The following MGAT5 variants were observed in gnomAD, a reference collection of about 807,000 sequenced individuals.
MGAT5 encodes alpha-1,6-mannosylglycoprotein 6-beta-N-acetylglucosaminyltransferase, also known as alpha-1,6-mannosylglycoprotein 6-beta-N-acetylglucosaminyltransferase A.
A neutral mutation model predicts 94.3 loss-of-function variants in MGAT5; 30 were observed. The ratio of observed to expected loss-of-function variants is 0.32; its 90% CI spans 0.24 to 0.43. The LOEUF (loss-of-function observed/expected upper bound fraction) is 0.43. Among genes scored for constraint, MGAT5 ranks in the 20% least tolerant of loss-of-function variants. The pLI, the probability that MGAT5 is intolerant of heterozygous loss-of-function variation, is 1.00. For missense variants in MGAT5, 691 were observed against 905.5 expected (o/e 0.76, Z 3.04); for synonymous variants, 310 against 322.9 (o/e 0.96, Z 0.43).
At chr2:134,208,985 C>T (rs1573867874) in intron 1 of MGAT5, among the ~76,000 whole-genome samples, 1 of 152,156 alleles carries the variant, frequency 6.6e-6, no homozygotes, top group African/African-American at 2.4e-5. Context: ...TCCTGGTGTT[C>T]TGTTACATCA....
intron 1 of MGAT5, among the ~76,000 whole-genome samples, chr2:134,133,088 T>C (rs954541556): frequency 9.9e-5 from 15 of 152,244 alleles, no homozygotes; most frequent in Middle Eastern, 3.2e-3. Context: ...TTTTTGGTGA[T>C]ATAATGGAGT....
At chr2:134,120,273 G>T in exon 1 of MGAT5, 1 of 389,044 alleles carries the variant, frequency 2.6e-6, no homozygotes, top group Non-Finnish European at 4.5e-6. Context: ...CCCGGCTGCT[G>T]CTGCTGCCCA....
At chr2:134,307,149 A>C (rs1016986677) in intron 2 of MGAT5, among the ~76,000 whole-genome samples, 3 of 152,158 alleles carry the variant, frequency 2.0e-5, no homozygotes, top group African/African-American at 4.8e-5. Flanking sequence ...AATTTAATGA[A>C]AATGGATGTT....
At chr2:134,151,869 C>T (rs540832396) in intron 1 of MGAT5, among the ~76,000 whole-genome samples, 1 of 142,552 alleles carries the variant, frequency 7.0e-6, no homozygotes, top group Non-Finnish European at 1.5e-5. Context: ...GCCATGGGAC[C>T]TCACTCACGC....
At chr2:134,336,165 A>T in intron 4 of MGAT5, 52 bp from the exon 5 acceptor site, 1 of 1,449,522 alleles carries the variant, frequency 6.9e-7, no homozygotes, top group African/African-American at 1.4e-5. Context: ...TTTTATGTAT[A>T]TTAATTCATT....
chr2:134,151,508 T>C (rs1472282185), intron 1 of MGAT5, among the ~76,000 whole-genome samples: 3 of 134,180 alleles, frequency 2.2e-5, no homozygotes, highest in Admixed American at 7.5e-5. Flanking sequence ...TCATGCCCTG[T>C]GGGACCCACT....
chr2:134,193,132 T>A (rs56270250), intron 1 of MGAT5, among the ~76,000 whole-genome samples: 16,677 of 134,454 alleles, frequency 0.12, 963 homozygotes, highest in East Asian at 0.17. Flanking sequence ...TTTATTTTTT[T>A]TTTTTTTTGA....
At chr2:134,351,360 A>G (rs1360319799) in intron 9 of MGAT5, among the ~76,000 whole-genome samples, 3 of 152,176 alleles carry the variant, frequency 2.0e-5, no homozygotes, top group Admixed American at 6.5e-5. Context: ...GAAGTGACCT[A>G]TGTGTTAAAC....
At chr2:134,412,733 G>C in intron 11 of MGAT5, 136 bp from the exon 12 acceptor site, 1 of 1,086,886 alleles carries the variant, frequency 9.2e-7, no homozygotes, top group Non-Finnish European at 1.3e-6. Context: ...CACCCCCCAG[G>C]GCCTGGGAGC....
chr2:134,337,001 C>T (rs1688372256), intron 5 of MGAT5, among the ~76,000 whole-genome samples: 1 of 152,172 alleles, frequency 6.6e-6, no homozygotes, highest in African/African-American at 2.4e-5. Context: ...CTCATTGCAG[C>T]TCCTCAGTTC....
intron 9 of MGAT5, among the ~76,000 whole-genome samples, chr2:134,357,148 A>G (rs924167104): frequency 6.6e-6 from 1 of 152,222 alleles, no homozygotes; most frequent in Non-Finnish European, 1.5e-5. Context: ...ACTAGAATGA[A>G]CAATATTGCC....
chr2:134,270,337 A>G (rs767563292), intron 1 of MGAT5, 49 bp from the exon 2 acceptor site: 3 of 1,559,610 alleles, frequency 1.9e-6, no homozygotes, highest in East Asian at 4.5e-5. Context: ...AGCCAGACAG[A>G]TATGTAGAGG....
chr2:134,307,616 A>G (rs949854229), intron 2 of MGAT5, among the ~76,000 whole-genome samples: 1 of 151,710 alleles, frequency 6.6e-6, no homozygotes, highest in African/African-American at 2.4e-5. Context: ...TACCTTTCCA[A>G]CCGTATTTCT....
At chr2:134,136,195 T>C (rs1037928372) in intron 1 of MGAT5, among the ~76,000 whole-genome samples, 2 of 152,180 alleles carry the variant, frequency 1.3e-5, no homozygotes, top group African/African-American at 4.8e-5. Flanking sequence ...ATTACGGTGG[T>C]TGTTGCACCT....
chr2:134,356,027 G>A (rs2106082062), intron 9 of MGAT5, among the ~76,000 whole-genome samples: 1 of 152,286 alleles, frequency 6.6e-6, no homozygotes. Flanking sequence ...AGCAAACTAT[G>A]TTTGTATAGT....
intron 1 of MGAT5, among the ~76,000 whole-genome samples, chr2:134,155,623 T>C (rs1687437638): frequency 1.3e-5 from 2 of 152,304 alleles, no homozygotes; most frequent in Admixed American, 1.3e-4. Flanking sequence ...TCTACTAAAA[T>C]TCAGGGCCAT....
intron 2 of MGAT5, among the ~76,000 whole-genome samples, chr2:134,310,710 T>C (rs912685867): frequency 2.0e-5 from 3 of 152,164 alleles, no homozygotes; most frequent in Non-Finnish European, 2.9e-5. Flanking sequence ...AATTACTTTT[T>C]TTATGGTGCA....
intron 9 of MGAT5, among the ~76,000 whole-genome samples, chr2:134,354,251 A>G (rs1679577169): frequency 6.6e-6 from 1 of 152,150 alleles, no homozygotes; most frequent in South Asian, 2.1e-4. Flanking sequence ...GTGTGCTTAG[A>G]TTGTGTTCTA....
intron 2 of MGAT5, among the ~76,000 whole-genome samples, chr2:134,289,381 G>A (rs188668717): frequency 4.9e-4 from 75 of 152,222 alleles, no homozygotes; most frequent in Non-Finnish European, 9.7e-4. Context: ...CCCCTTGGTA[G>A]TGGCCCGGGC....
Sources: gnomAD v4.1 joint callset for allele counts (sites outside exome capture counted in the v4.1 genomes callset) on GRCh38, gnomAD v4.1.1 for gene constraint, MANE v1.5 for transcripts, NCBI Gene and HGNC (gene_info 2026-07-23, HGNC 2026-07-21) for gene names.